ZNF385D: variants seen among roughly 807,000 people sequenced by gnomAD.
The protein encoded by ZNF385D is zinc finger protein 659.
A neutral mutation model predicts 35.8 loss-of-function variants in ZNF385D; 15 were observed. The ratio of observed to expected loss-of-function variants is 0.42; its 90% CI spans 0.28 to 0.64. The LOEUF (loss-of-function observed/expected upper bound fraction) is 0.64. Ranked by LOEUF, ZNF385D falls within the 30% of genes least tolerant of loss-of-function variation. The pLI, the probability that ZNF385D is intolerant of heterozygous loss-of-function variation, is 0.23. For missense variants in ZNF385D, 474 were observed against 494.6 expected, an observed-to-expected ratio of 0.96 and a Z score of 0.39; for synonymous variants, 212 against 186.8, an observed-to-expected ratio of 1.13 and a Z score of -1.10.
chr3:22,314,509 T>A (rs2125434443), intron 2 of ZNF385D, among the ~76,000 whole-genome samples: 1 of 152,302 alleles, frequency 6.6e-6, no homozygotes, highest in South Asian at 2.1e-4. Flanking sequence ...ACAGTTTATT[T>A]GTCTATTCAT....
intron 3 of ZNF385D, among the ~76,000 whole-genome samples, chr3:21,825,199 CCAAA>C (rs540427091): frequency 1.5e-3 from 229 of 152,266 alleles, no homozygotes; most frequent in African/African-American, 5.1e-3. Flanking sequence ...TATTTTTTCA[CCAAA>C]CAGTGTTCTA....
chr3:22,314,830 G>A (rs1313535238), intron 2 of ZNF385D, among the ~76,000 whole-genome samples: 1 of 152,102 alleles, frequency 6.6e-6, no homozygotes, highest in East Asian at 1.9e-4. Flanking sequence ...CCTGGACTAT[G>A]TGGTTTCCTG....
chr3:22,065,145 T>C (rs916754741), intron 3 of ZNF385D, among the ~76,000 whole-genome samples: 1 of 152,176 alleles, frequency 6.6e-6, no homozygotes, highest in African/African-American at 2.4e-5. Flanking sequence ...AAGATGAACT[T>C]ATTGAGAGAG....
intron 1 of ZNF385D, among the ~76,000 whole-genome samples, chr3:21,710,024 G>C (rs1489486470): frequency 6.6e-6 from 1 of 152,178 alleles, no homozygotes; most frequent in Non-Finnish European, 1.5e-5. Context: ...GGATGATTGA[G>C]ATGAGCCAGT....
chr3:21,923,780 C>T (rs1206072052), intron 3 of ZNF385D, among the ~76,000 whole-genome samples: 1 of 152,092 alleles, frequency 6.6e-6, no homozygotes, highest in African/African-American at 2.4e-5. Context: ...ACCATAAGTT[C>T]TCACCTATAA....
chr3:22,276,411 A>C (rs949513607), intron 2 of ZNF385D, among the ~76,000 whole-genome samples: 1 of 152,140 alleles, frequency 6.6e-6, no homozygotes, highest in African/African-American at 2.4e-5. Flanking sequence ...GAAGTGGTAT[A>C]AGAGTTTAAA....
chr3:22,220,767 T>G (rs1431961248), intron 2 of ZNF385D, among the ~76,000 whole-genome samples: 1 of 152,164 alleles, frequency 6.6e-6, no homozygotes, highest in Non-Finnish European at 1.5e-5. Flanking sequence ...CAACACAATC[T>G]ACCACTACCG....
intron 3 of ZNF385D, among the ~76,000 whole-genome samples, chr3:21,946,590 G>T (rs1484513122): frequency 6.6e-6 from 1 of 152,228 alleles, no homozygotes; most frequent in Non-Finnish European, 1.5e-5. Context: ...CCAGAACTTT[G>T]GGAGGCTGAG....
intron 4 of ZNF385D, among the ~76,000 whole-genome samples, chr3:21,500,563 CAT>C (rs1343436855): frequency 6.6e-6 from 1 of 152,202 alleles, no homozygotes; most frequent in African/African-American, 2.4e-5. Flanking sequence ...TGGCACACAA[CAT>C]GTGCATTCTT....
Position 21,691,014 on chromosome 3 carries a change from C to T in ZNF385D, c.23-25986G>A, listed in dbSNP as rs187857433. On this transcript the variant is annotated intron_variant, in intron 1 of 7. Coordinates refer to ENST00000281523, the MANE Select transcript of ZNF385D (RefSeq NM_024697.3). ...TTTCCCTCATTAAAATCTGTGGTCC[C>T]TGAATGTTGTCCAGTCTCTTCTCGG... is the stretch of plus-strand genomic sequence containing the variant. Among the ~76,000 whole-genome samples, 77 of 152,232 alleles carry T rather than the reference C, an allele frequency of 5.1e-4. 1 individual carries two copies. In the East Asian group the frequency reaches 0.014, roughly 28 times the overall value.
chr3:21,947,355 T>TTATTTATTTATG (rs1240076373), intron 3 of ZNF385D, among the ~76,000 whole-genome samples: 3 of 149,892 alleles, frequency 2.0e-5, no homozygotes, highest in African/African-American at 4.9e-5. Context: ...AGTTATTTAT[T>TTATTTATTTATG]TATTTATTTA....
intron 2 of ZNF385D, among the ~76,000 whole-genome samples, chr3:22,261,538 C>T (rs974166874): frequency 6.6e-6 from 1 of 151,926 alleles, no homozygotes; most frequent in Admixed American, 6.6e-5. Context: ...CCCTTCAAAA[C>T]CACTCTCCAT....
chr3:21,548,233 A>T (rs945807147), intron 3 of ZNF385D, among the ~76,000 whole-genome samples: 1 of 152,158 alleles, frequency 6.6e-6, no homozygotes, highest in Non-Finnish European at 1.5e-5. Flanking sequence ...AACTAGGGAA[A>T]TATGCTGCAA....
rs558404780 is a variant in ZNF385D at position 22,336,424 on chromosome 3, C to T, written c.106+36026G>A. 3.5e-4 allele frequency among the ~76,000 whole-genome samples: 53 copies of T among 152,222 alleles called. 1 individual carries two copies. Among genetic ancestry groups the T allele is most frequent in the African/African-American group, 1.2e-3 (51 of 41,572 alleles). On this transcript the variant is annotated intron_variant, in intron 2 of 5. Coordinates refer to the ZNF385D transcript ENST00000494108. ...GGAACTGATTTATTCAACAGTAACT[C>T]TAAATTAGCTTTTGCTTTCTGATTT...
At chr3:22,114,426 A>G (rs952286971) in intron 3 of ZNF385D, among the ~76,000 whole-genome samples, 1 of 152,160 alleles carries the variant, frequency 6.6e-6, no homozygotes, top group Admixed American at 6.6e-5. Context: ...ATCTTGGTAC[A>G]TATCATGTTT....
At chr3:21,464,681 T>C (rs970841685) in intron 4 of ZNF385D, among the ~76,000 whole-genome samples, 2 of 151,284 alleles carry the variant, frequency 1.3e-5, no homozygotes, top group African/African-American at 2.4e-5. Flanking sequence ...GTCTCCAAAA[T>C]CGCTTCATAT....
chr3:22,249,061 G>A (rs1233435522), intron 2 of ZNF385D, among the ~76,000 whole-genome samples: 3 of 152,114 alleles, frequency 2.0e-5, no homozygotes, highest in Non-Finnish European at 4.4e-5. Context: ...AGCACTGGCT[G>A]TTTAATGCCA....
At chr3:22,239,987 G>A (rs953187475) in intron 2 of ZNF385D, among the ~76,000 whole-genome samples, 10 of 149,476 alleles carry the variant, frequency 6.7e-5, no homozygotes, top group African/African-American at 2.5e-4. Context: ...AATCAGTCTG[G>A]GCAACATGGC....
intron 3 of ZNF385D, among the ~76,000 whole-genome samples, chr3:21,889,406 G>C (rs1476062290): frequency 6.6e-6 from 1 of 152,120 alleles, no homozygotes; most frequent in African/African-American, 2.4e-5. Flanking sequence ...GAAATGTACT[G>C]GCCTCTGTGG....
Sources: gnomAD v4.1 joint callset for allele counts (sites outside exome capture counted in the v4.1 genomes callset) on GRCh38, gnomAD v4.1.1 for gene constraint, MANE v1.5 for transcripts, NCBI Gene and HGNC (gene_info 2026-07-23, HGNC 2026-07-21) for gene names.